Variants in SRPK1 observed in about 807,000 individuals in gnomAD.
SRPK1 encodes the protein SRSF protein kinase 1.
SRPK1 carries 52 observed loss-of-function variants against 89.5 expected under a neutral mutation model. The ratio of observed to expected loss-of-function variants is 0.58; its 90% CI spans 0.46 to 0.73. SRPK1 has a LOEUF of 0.73. Among genes scored for constraint, SRPK1 ranks in the 30% least tolerant of loss-of-function variants. The pLI is 0.00. For synonymous variants in SRPK1, 255 were observed against 270.2 expected (o/e 0.94, Z 0.55); for missense variants, 603 against 780.6 (o/e 0.77, Z 2.71).
chr6:35,868,258 A>G (rs1039398867), intron 12 of SRPK1, among the ~76,000 whole-genome samples: 4 of 152,198 alleles, frequency 2.6e-5, no homozygotes, highest in African/African-American at 9.6e-5. Context: ...TGCTGGGATT[A>G]CAGGCATGAG....
At chr6:35,851,381 C>T (rs2151082264) in intron 13 of SRPK1, among the ~76,000 whole-genome samples, 1 of 152,022 alleles carries the variant, frequency 6.6e-6, no homozygotes, top group African/African-American at 2.4e-5. Context: ...ACCAGGTTGG[C>T]CAGCCTGGTC....
rs1047199670 is a variant in SRPK1, at chr6:35,834,522, A to C, written c.*782T>G. The stretch of plus-strand genomic sequence containing the variant: ...ATACAAAAACAAAAAATAAAACAAA[A>C]CAACCAACCAAAATAACTCTGGTCT... On this transcript the variant is annotated 3_prime_UTR_variant, in exon 16 of 16. Coordinates refer to ENST00000373825, the MANE Select transcript of SRPK1 (RefSeq NM_003137.5). 3 of 152,192 alleles carry C rather than the reference A, an allele frequency of 2.0e-5. No individual in the cohort carries two copies. Among genetic ancestry groups the C allele is most frequent in the East Asian group, 3.8e-4 (2 of 5,200 alleles). 9.4% of individuals were successfully genotyped at this position (152,192 alleles called of 1,614,324 possible).
rs756016110 is a variant in SRPK1 at position 35,870,265 on chromosome 6, G to T, written c.991+16C>A. The T allele has an allele frequency of 1.2e-6, 2 of 1,604,036 alleles. No homozygotes were observed. The highest frequency in any genetic ancestry group is 1.7e-6 in the Non-Finnish European group (2 of 1,174,274). On this transcript the variant is annotated intron_variant, in intron 10 of 15. Transcript: ENST00000373825. ...AAGTGTGTTGTACAGTAATTTTCGT[G>T]ATGTTCTATTTATACCAAGTTTTTC...
intron 12 of SRPK1, 71 bp downstream of exon 12, chr6:35,868,939 C>T: frequency 8.2e-7 from 1 of 1,216,638 alleles, no homozygotes; most frequent in Non-Finnish European, 1.2e-6. Flanking sequence ...GGATGTTTTG[C>T]ATAACTAAGT....
chr6:35,849,021 C>G (rs369783822), intron 13 of SRPK1, among the ~76,000 whole-genome samples: 5 of 152,104 alleles, frequency 3.3e-5, no homozygotes, highest in African/African-American at 1.2e-4. Flanking sequence ...AACTTCTGTA[C>G]AGCAAAGGAA....
At chr6:35,896,572 A>C (rs1770630181) in intron 2 of SRPK1, among the ~76,000 whole-genome samples, 1 of 152,234 alleles carries the variant, frequency 6.6e-6, no homozygotes, top group Non-Finnish European at 1.5e-5. Flanking sequence ...CATATGACCT[A>C]GCAATTCCAC....
rs558671617 is a variant in SRPK1 at position 35,838,477 on chromosome 6, CAA to C, written c.1691-50_1691-49del. 2.7e-3 allele frequency: 4,073 copies of C among 1,482,314 alleles called. 15 individuals carry two copies. Among genetic ancestry groups the C allele is most frequent in the Non-Finnish European group, 3.1e-3 (3,385 of 1,101,334 alleles). 91.8% of individuals were successfully genotyped at this position (1,482,314 alleles called of 1,614,324 possible). ...GAGGGGGGAAAAAAAAGATCCGTAA[CAA>C]GAGTAACAAATGCAGCTCTAGAAAA... is the stretch of plus-strand genomic sequence containing the variant. On this transcript the variant is annotated intron_variant, in intron 14 of 15. Coordinates refer to ENST00000373825, the MANE Select transcript of SRPK1 (RefSeq NM_003137.5).
intron 14 of SRPK1, among the ~76,000 whole-genome samples, 174 bp downstream of exon 14, chr6:35,842,361 T>C (rs1427483763): frequency 6.6e-6 from 1 of 152,212 alleles, no homozygotes; most frequent in African/African-American, 2.4e-5. Flanking sequence ...TTAGTATCTT[T>C]CAGAAAATAT....
chr6:35,861,670 G>A (rs1769784735), intron 12 of SRPK1, among the ~76,000 whole-genome samples: 1 of 152,264 alleles, frequency 6.6e-6, no homozygotes, highest in African/African-American at 2.4e-5. Context: ...GCTATTTTGA[G>A]AGGTTAATGC....
At chr6:35,920,229 G>A (rs912433532) in intron 2 of SRPK1, 24 of 612,424 alleles carry the variant, frequency 3.9e-5, no homozygotes, top group Non-Finnish European at 6.8e-5. Context: ...GGCGGGCTCT[G>A]GTCCTCCTCC....
intron 5 of SRPK1, 120 bp from the exon 6 acceptor site, chr6:35,886,931 A>G: frequency 1.7e-6 from 1 of 602,758 alleles, no homozygotes; most frequent in South Asian, 2.2e-5. Context: ...ATCTATTTTT[A>G]AAATATACTA....
intron 2 of SRPK1, among the ~76,000 whole-genome samples, chr6:35,908,561 G>A (rs1770896842): frequency 6.6e-6 from 1 of 152,194 alleles, no homozygotes; most frequent in Admixed American, 6.5e-5. Flanking sequence ...GGGTTATTCT[G>A]AAAGCATTCA....
intron 15 of SRPK1, 25 bp from the exon 16 acceptor site, chr6:35,835,513 A>T (rs762125126): frequency 6.3e-7 from 1 of 1,588,602 alleles, no homozygotes; most frequent in South Asian, 1.2e-5. Flanking sequence ...GTACAGAAAA[A>T]GCCACTGATC....
At chr6:35,917,414 A>G (rs1301018089) in intron 2 of SRPK1, among the ~76,000 whole-genome samples, 1 of 152,240 alleles carries the variant, frequency 6.6e-6, no homozygotes, top group Non-Finnish European at 1.5e-5. Flanking sequence ...TAGGGGAGTA[A>G]TCTGACAAAC....
At chr6:35,856,569 G>A (rs1437071227) in intron 13 of SRPK1, among the ~76,000 whole-genome samples, 1 of 152,094 alleles carries the variant, frequency 6.6e-6, no homozygotes, top group African/African-American at 2.4e-5. Flanking sequence ...CCCAAAATGT[G>A]TCAGGCAATG....
intron 2 of SRPK1, among the ~76,000 whole-genome samples, chr6:35,915,991 A>ATAT (rs1554158177): frequency 2.3e-5 from 2 of 86,300 alleles, no homozygotes; most frequent in East Asian, 2.5e-4. Flanking sequence ...AAAAAAAAAA[A>ATAT]ATATATACAC....
intron 12 of SRPK1, among the ~76,000 whole-genome samples, chr6:35,858,637 AAGACT>A (rs1769715688): frequency 6.6e-6 from 1 of 152,192 alleles, no homozygotes; most frequent in Non-Finnish European, 1.5e-5. Flanking sequence ...AAGCAGAATA[AAGACT>A]ATCAGATGTG....
intron 6 of SRPK1, among the ~76,000 whole-genome samples, chr6:35,878,691 C>G (rs1402140181): frequency 6.6e-6 from 1 of 152,144 alleles, no homozygotes; most frequent in Admixed American, 6.5e-5. Context: ...TTGTTTTAAG[C>G]CCCTCTTCTG....
chr6:35,871,997 T>A (rs946401188), intron 8 of SRPK1, among the ~76,000 whole-genome samples: 1 of 152,106 alleles, frequency 6.6e-6, no homozygotes, highest in South Asian at 2.1e-4. Flanking sequence ...CACCTCAACC[T>A]CCCAAAGTGT....
Sources: allele counts gnomAD v4.1 joint callset (sites outside exome capture counted in the v4.1 genomes callset), GRCh38; gene constraint gnomAD v4.1.1; transcripts MANE v1.5; gene names NCBI Gene and HGNC (gene_info 2026-07-23, HGNC 2026-07-21).